COP1: variants seen among roughly 807,000 people sequenced by gnomAD.
The protein encoded by COP1 is E3 ubiquitin-protein ligase COP1.
COP1 carries 24 observed loss-of-function variants against 101.3 expected under a neutral mutation model. The observed-to-expected ratio is 0.24, with a 90% CI of 0.17 to 0.33. The LOEUF (loss-of-function observed/expected upper bound fraction) is 0.33, where lower values mean the gene tolerates loss of function less well. Among genes scored for constraint, COP1 ranks in the 10% least tolerant of loss-of-function variants. COP1 has a pLI of 1.00. For synonymous variants in COP1, 347 were observed against 341.9 expected (o/e 1.01, Z -0.17); for missense variants, 663 against 906.2 (o/e 0.73, Z 3.45).
rs145354415 is a variant in COP1, at chr1:176,099,505, GTCTCTC to G, written c.1027-13621_1027-13616del. ...TGTGAAAAAAATTTGGAGCATATTT[GTCTCTC>G]TCTCTCTCTCTCTCTCTCTCTCTCT... On this transcript the variant is annotated intron_variant, in intron 9 of 19. Coordinates refer to ENST00000367669, the MANE Select transcript of COP1 (RefSeq NM_022457.7). Among the ~76,000 whole-genome samples the G allele has an allele frequency of 5.8e-3, 826 of 143,122 alleles. 3 individuals are homozygous for G. The highest frequency in any genetic ancestry group is 0.012 in the African/African-American group (479 of 39,050). 93.9% of individuals were successfully genotyped at this position (143,122 alleles called of 152,430 possible). A position where few individuals can be genotyped will look rare whatever the true frequency, so the allele number is the denominator to read the frequency against.
intron 8 of COP1, among the ~76,000 whole-genome samples, chr1:176,127,291 C>T (rs191003992): frequency 1.2e-3 from 182 of 152,200 alleles, no homozygotes; most frequent in African/African-American, 4.3e-3. Flanking sequence ...CAACAGAACA[C>T]CAGAATTGAT....
At position 175,989,502 on chromosome 1, in the gene COP1, A is replaced by G. The variant is rs762932926; in HGVS notation, c.1730-23T>C. 3.3e-6 allele frequency: 4 copies of G among 1,230,170 alleles called. No individual in the cohort carries two copies. In the South Asian group the frequency reaches 4.9e-5, roughly 15 times the overall value. 76.2% of individuals were successfully genotyped at this position (1,230,170 alleles called of 1,614,324 possible). On this transcript the variant is annotated intron_variant, in intron 15 of 19. Transcript: ENST00000367669. The stretch of plus-strand genomic sequence containing the variant: ...GATCTAAAACAAAACAAAATTAGAT[A>G]AATGTAGTAAATGCAGAAATGGAAA...
At chr1:176,070,960 C>G (rs542778151) in intron 11 of COP1, among the ~76,000 whole-genome samples, 4 of 152,316 alleles carry the variant, frequency 2.6e-5, no homozygotes, top group Non-Finnish European at 5.9e-5. Context: ...ACCACTCCTG[C>G]TTCTGTCCAA....
At chr1:176,177,193 G>T (rs991621761) in intron 2 of COP1, among the ~76,000 whole-genome samples, 19 of 151,642 alleles carry the variant, frequency 1.3e-4, no homozygotes, top group African/African-American at 4.4e-4. Flanking sequence ...TATTGCTAGA[G>T]AACTGTGATT....
intron 8 of COP1, among the ~76,000 whole-genome samples, chr1:176,126,935 A>C (rs1214189628): frequency 3.3e-5 from 5 of 152,238 alleles, no homozygotes; most frequent in African/African-American, 1.2e-4. Flanking sequence ...ATTGGAATCA[A>C]AAAGTCTATT....
At chr1:176,149,185 C>T (rs543459221) in intron 5 of COP1, 111 bp from the exon 6 acceptor site, 2 of 495,554 alleles carry the variant, frequency 4.0e-6, no homozygotes, top group East Asian at 3.4e-5. Context: ...CATTTAAGTT[C>T]GTCTATTATT....
At chr1:176,182,087 C>T (rs1056033802) in intron 2 of COP1, among the ~76,000 whole-genome samples, 1 of 152,064 alleles carries the variant, frequency 6.6e-6, no homozygotes, top group African/African-American at 2.4e-5. Context: ...CACTTCACAA[C>T]ATAGTGAAAA....
chr1:176,096,367 T>G (rs891399904), intron 9 of COP1, among the ~76,000 whole-genome samples: 3 of 151,234 alleles, frequency 2.0e-5, no homozygotes, highest in Admixed American at 1.3e-4. Context: ...CTCAGGATGG[T>G]TGGGCGAATG....
intron 2 of COP1, among the ~76,000 whole-genome samples, chr1:176,179,680 T>G (rs1352134150): frequency 9.9e-5 from 15 of 152,124 alleles, no homozygotes; most frequent in Admixed American, 9.2e-4. Context: ...GAGGGTGCAG[T>G]GAGCCATGTT....
chr1:176,186,751 C>G (rs952381634), intron 1 of COP1, among the ~76,000 whole-genome samples: 2 of 152,096 alleles, frequency 1.3e-5, no homozygotes, highest in Admixed American at 1.3e-4. Context: ...CGGAAGCTAT[C>G]ATAATCCAGT....
chr1:176,086,087 G>A (rs1478729499), intron 9 of COP1, among the ~76,000 whole-genome samples, 197 bp from the exon 10 acceptor site: 2 of 152,062 alleles, frequency 1.3e-5, no homozygotes, highest in Non-Finnish European at 2.9e-5. Flanking sequence ...TTCGCAGAAT[G>A]ATTAAAACTA....
chr1:176,075,872 G>A (rs908382671), intron 11 of COP1, among the ~76,000 whole-genome samples: 4 of 151,772 alleles, frequency 2.6e-5, no homozygotes, highest in Non-Finnish European at 4.4e-5. Flanking sequence ...GCATGGTGGT[G>A]GGCACCTGTA....
intron 14 of COP1, among the ~76,000 whole-genome samples, chr1:176,039,106 G>A (rs893690329): frequency 2.6e-5 from 4 of 152,084 alleles, no homozygotes; most frequent in African/African-American, 4.8e-5. Context: ...GTTAATTTAC[G>A]AGACTGGAGA....
chr1:176,057,767 A>C (rs1673873893), intron 11 of COP1, among the ~76,000 whole-genome samples: 1 of 152,088 alleles, frequency 6.6e-6, no homozygotes, highest in African/African-American at 2.4e-5. Context: ...CCCATCTGGG[A>C]AGTGAGGAGC....
chr1:175,969,601 C>G (rs1652845532), intron 18 of COP1, among the ~76,000 whole-genome samples: 1 of 152,152 alleles, frequency 6.6e-6, no homozygotes, highest in African/African-American at 2.4e-5. Flanking sequence ...TTCATCAAAC[C>G]TAAGCATAAA....
intron 5 of COP1, among the ~76,000 whole-genome samples, chr1:176,152,503 A>G (rs1306400822): frequency 6.6e-6 from 1 of 151,846 alleles, no homozygotes; most frequent in Non-Finnish European, 1.5e-5. Context: ...GCTGGAGTAC[A>G]GTAGCACGAT....
intron 9 of COP1, among the ~76,000 whole-genome samples, chr1:176,112,733 C>T (rs903190134): frequency 2.0e-5 from 3 of 152,126 alleles, no homozygotes; most frequent in Non-Finnish European, 2.9e-5. Context: ...CCTTCTCTGC[C>T]TACTACCTCC....
chr1:176,109,630 C>A lies in COP1; in HGVS notation c.1026+6994G>T, dbSNP rs80003603. ...ACTGGGATTTCTTTTAAATTGGAAT[C>A]TAATTAAATTAGTAATTATGGTTAC... On this transcript the variant is annotated intron_variant, in intron 9 of 19. Coordinates refer to ENST00000367669, the MANE Select transcript of COP1 (RefSeq NM_022457.7). Among the ~76,000 whole-genome samples, 669 of 152,186 alleles carry A rather than the reference C, an allele frequency of 4.4e-3. 5 individuals carry two copies. Among genetic ancestry groups the A allele is most frequent in the Middle Eastern group, 6.9e-3 (2 of 290 alleles).
chr1:176,012,106 C>T (rs564421796), intron 15 of COP1, among the ~76,000 whole-genome samples: 2 of 152,282 alleles, frequency 1.3e-5, no homozygotes, highest in East Asian at 1.9e-4. Context: ...ACTGCTTGAG[C>T]CCAAGAGTTT....
Sources: gnomAD v4.1 joint callset for allele counts (sites outside exome capture counted in the v4.1 genomes callset) on GRCh38, gnomAD v4.1.1 for gene constraint, MANE v1.5 for transcripts, NCBI Gene and HGNC (gene_info 2026-07-23, HGNC 2026-07-21) for gene names.